The following MAGI3 variants were observed in gnomAD, a reference collection of about 807,000 sequenced individuals.
The protein encoded by MAGI3 is membrane-associated guanylate kinase, WW and PDZ domain-containing protein 3.
MAGI3 carries 43 observed loss-of-function variants against 121.8 expected under a neutral mutation model. The ratio of observed to expected loss-of-function variants is 0.35; its 90% CI spans 0.28 to 0.46. The LOEUF (loss-of-function observed/expected upper bound fraction) is 0.46. MAGI3 is among the 20% of genes least tolerant of loss of function. The probability of loss-of-function intolerance (pLI) is 1.00; values close to 1 mark genes in which losing one functional copy is unlikely to be tolerated. For missense variants in MAGI3, 1,547 were observed against 1,797.3 expected (o/e 0.86, Z 2.52); for synonymous variants, 553 against 639.3 (o/e 0.86, Z 2.04).
At chr1:113,598,194 A>G (rs1469982126) in intron 6 of MAGI3, among the ~76,000 whole-genome samples, 1 of 152,084 alleles carries the variant, frequency 6.6e-6, no homozygotes, top group African/African-American at 2.4e-5. Context: ...CCTGGGCAAC[A>G]GAGCGAGACT....
At chr1:113,673,504 T>C (rs1383610128) in intron 19 of MAGI3, 39 bp downstream of exon 19, 1 of 1,583,702 alleles carries the variant, frequency 6.3e-7, no homozygotes, top group African/African-American at 1.4e-5. Flanking sequence ...GTTCAGGCTC[T>C]AGACTAGAAA....
intron 2 of MAGI3, among the ~76,000 whole-genome samples, chr1:113,550,204 A>T (rs1222824784): frequency 6.6e-6 from 1 of 150,652 alleles, no homozygotes; most frequent in Non-Finnish European, 1.5e-5. Flanking sequence ...AGGTCAGGAG[A>T]TCGAGACCAT....
intron 1 of MAGI3, among the ~76,000 whole-genome samples, chr1:113,486,375 G>T (rs901168423): frequency 4.6e-5 from 7 of 152,044 alleles, no homozygotes; most frequent in African/African-American, 1.4e-4. Context: ...TTTGTCATCT[G>T]TGATTTCCTT....
At chr1:113,471,185 G>A (rs1333101980) in intron 1 of MAGI3, among the ~76,000 whole-genome samples, 1 of 152,138 alleles carries the variant, frequency 6.6e-6, no homozygotes, top group Non-Finnish European at 1.5e-5. Context: ...TTCTTTTGAA[G>A]AGCACATGGA....
rs1378146865 is a variant in MAGI3 at position 113,391,197 on chromosome 1, G to T, written c.164G>T (p.Gly55Val). The T allele has an allele frequency of 6.4e-7, 1 of 1,551,842 alleles. No homozygotes were observed. Among genetic ancestry groups the T allele is most frequent in the South Asian group, 1.2e-5 (1 of 84,102 alleles). ...LGRLREEPGG[G>V]TCCVVSGKAP... is the part of the protein sequence containing the mutation. ...CGGCTCCGCGAGGAGCCCGGCGGGG[G>T]CACCTGCTGCGTCGTCTCGGGCAAG... Residue 55 changes from glycine (G) to valine (V), a missense_variant, in exon 1 of 21, where the codon GGC (glycine) becomes GTC (valine). Coordinates refer to ENST00000307546, the MANE Select transcript of MAGI3 (RefSeq NM_001142782.2). This position sits in a 1 kb window ranked among gnomAD's most constrained non-coding sequence, Gnocchi z 4.4.
At chr1:113,542,165 A>G (rs1318214002) in intron 1 of MAGI3, among the ~76,000 whole-genome samples, 5 of 152,108 alleles carry the variant, frequency 3.3e-5, no homozygotes, top group Non-Finnish European at 7.4e-5. Flanking sequence ...GATGCCGGAA[A>G]CCATGGATTG....
Position 113,649,329 on chromosome 1 carries a change from G to A in MAGI3, c.2247+1G>A. 1 of 1,597,748 alleles carries A rather than the reference G, an allele frequency of 6.3e-7. No individual in the cohort carries two copies. The highest frequency in any genetic ancestry group is 8.5e-7 in the Non-Finnish European group (1 of 1,170,996). ...AGGAGGAGATGGACCTGACCAGTCTGTAAGTGTCACTTCTTTGGAACATGG... is the reference window on the plus strand; with the variant it reads ...AGGAGGAGATGGACCTGACCAGTCTATAAGTGTCACTTCTTTGGAACATGG... On this transcript the variant is annotated splice_donor_variant, in intron 13 of 20. Coordinates refer to ENST00000307546, the MANE Select transcript of MAGI3 (RefSeq NM_001142782.2). LOFTEE classifies it high-confidence loss of function.
chr1:113,411,294 G>A (rs1343079193), intron 1 of MAGI3, among the ~76,000 whole-genome samples: 3 of 152,082 alleles, frequency 2.0e-5, no homozygotes, highest in East Asian at 3.9e-4. Context: ...GAAAACAGGA[G>A]GCTTTTAAAT....
intron 7 of MAGI3, among the ~76,000 whole-genome samples, chr1:113,618,104 C>T (rs1421038551): frequency 1.3e-5 from 2 of 152,032 alleles, no homozygotes; most frequent in African/African-American, 2.4e-5. Flanking sequence ...TCTACCACCA[C>T]TCTTAATGTT....
At chr1:113,412,703 C>T (rs1048553235) in intron 1 of MAGI3, among the ~76,000 whole-genome samples, 15 of 151,054 alleles carry the variant, frequency 9.9e-5, no homozygotes, top group African/African-American at 2.4e-4. Context: ...ATCCTCTGCC[C>T]GCTTTTTGGT....
intron 6 of MAGI3, among the ~76,000 whole-genome samples, chr1:113,612,938 A>G (rs1475135348): frequency 1.3e-5 from 2 of 152,172 alleles, no homozygotes; most frequent in Non-Finnish European, 2.9e-5. Flanking sequence ...AAGACAAAAC[A>G]TAAATCTAAT....
At chr1:113,483,868 C>G (rs1175051478) in intron 1 of MAGI3, among the ~76,000 whole-genome samples, 1 of 151,978 alleles carries the variant, frequency 6.6e-6, no homozygotes, top group Admixed American at 6.6e-5. Context: ...CAAAAGCACA[C>G]TTGTACTTTT....
chr1:113,548,301 A>G (rs1213268259), intron 1 of MAGI3, among the ~76,000 whole-genome samples: 1 of 152,212 alleles, frequency 6.6e-6, no homozygotes, highest in East Asian at 1.9e-4. Context: ...GTTTCATTTT[A>G]AGTTCAACCC....
chr1:113,679,558 G>A (rs1648089701), intron 19 of MAGI3, among the ~76,000 whole-genome samples: 1 of 152,080 alleles, frequency 6.6e-6, no homozygotes, highest in Admixed American at 6.5e-5. Flanking sequence ...CCATCATTAT[G>A]TTTAATTAGG....
chr1:113,673,003 GT>G (rs1189607420), intron 18 of MAGI3, among the ~76,000 whole-genome samples: 2 of 152,136 alleles, frequency 1.3e-5, no homozygotes, highest in African/African-American at 2.4e-5. Flanking sequence ...TCAAATTCAG[GT>G]TTTTTTGTTT....
chr1:113,581,358 G>A (rs1037649441), intron 3 of MAGI3, among the ~76,000 whole-genome samples: 2 of 152,076 alleles, frequency 1.3e-5, no homozygotes, highest in African/African-American at 4.8e-5. Flanking sequence ...AGTGCCTAAA[G>A]ATAGTGTTCA....
rs115012400 is a variant in MAGI3 at position 113,440,027 on chromosome 1, T to C, written c.316+48678T>C. On this transcript the variant is annotated intron_variant, in intron 1 of 20. Coordinates refer to ENST00000307546, the MANE Select transcript of MAGI3 (RefSeq NM_001142782.2). ...ACATCATACAGACCTGGATTTGAGTTCTAGTTTACCATTTAACTAATGTTG... is the reference window on the plus strand; with the variant it reads ...ACATCATACAGACCTGGATTTGAGTCCTAGTTTACCATTTAACTAATGTTG... Among the ~76,000 whole-genome samples the C allele has an allele frequency of 5.0e-3, 763 of 151,522 alleles. 4 individuals carry two copies. The highest frequency in any genetic ancestry group is 0.018 in the African/African-American group (738 of 41,340).
At chr1:113,491,305 A>G (rs1047948361) in intron 1 of MAGI3, among the ~76,000 whole-genome samples, 1 of 152,212 alleles carries the variant, frequency 6.6e-6, no homozygotes, top group Admixed American at 6.5e-5. Context: ...TAAGGCAGAA[A>G]TAAAAGAAGT....
chr1:113,465,068 C>A (rs532222141), intron 1 of MAGI3, among the ~76,000 whole-genome samples: 1 of 152,224 alleles, frequency 6.6e-6, no homozygotes, highest in South Asian at 2.1e-4. Context: ...AAAATCTTGG[C>A]CCAGGTCAGT....
Sources: allele counts gnomAD v4.1 joint callset (sites outside exome capture counted in the v4.1 genomes callset), GRCh38; gene constraint gnomAD v4.1.1; non-coding constraint Gnocchi (gnomAD v3.1); transcripts MANE v1.5; gene names NCBI Gene and HGNC (gene_info 2026-07-23, HGNC 2026-07-21).